SLC5A4: variants seen among roughly 807,000 people sequenced by gnomAD.
SLC5A4 encodes probable glucose sensor protein SLC5A4.
A neutral mutation model predicts 70.3 loss-of-function variants in SLC5A4; 55 were observed. The ratio of observed to expected loss-of-function variants is 0.78; its 90% CI spans 0.63 to 0.98. The LOEUF is 0.98. SLC5A4 is among the 50% of genes least tolerant of loss of function. The pLI is 0.00. For synonymous variants in SLC5A4, 268 were observed against 305.7 expected, an observed-to-expected ratio of 0.88 and a Z score of 1.29; for missense variants, 735 against 839.2, an observed-to-expected ratio of 0.88 and a Z score of 1.53.
At chr22:32,256,173 T>C (rs548900624), upstream of SLC5A4, among the ~76,000 whole-genome samples, 2 of 152,080 alleles carry the variant, frequency 1.3e-5, no homozygotes, top group Admixed American at 1.3e-4. Flanking sequence ...CTGAGTGTGG[T>C]GATGCACACG....
At chr22:32,333,437 G>A in the SLC5A4 span, among the ~76,000 whole-genome samples, 1 of 152,174 alleles carries the variant, frequency 6.6e-6, no homozygotes, top group Non-Finnish European at 1.5e-5. Context: ...CCTCAGGGCA[G>A]GGATGGGGAC....
chr22:32,280,518 T>C, the SLC5A4 span, among the ~76,000 whole-genome samples: 1 of 152,288 alleles, frequency 6.6e-6, no homozygotes, highest in South Asian at 2.1e-4. Context: ...CACCCTCTCC[T>C]GTGGCCTTGT....
chr22:32,279,138 T>C, the SLC5A4 span, among the ~76,000 whole-genome samples: 5 of 152,120 alleles, frequency 3.3e-5, no homozygotes, highest in South Asian at 1.0e-3. Context: ...TAGCCGGGCG[T>C]GGTGGCGGGC....
At chr22:32,308,057 A>ATTCC in the SLC5A4 span, among the ~76,000 whole-genome samples, 5 of 152,108 alleles carry the variant, frequency 3.3e-5, no homozygotes, top group South Asian at 2.1e-4. Flanking sequence ...CAGGTCTGTT[A>ATTCC]TTCCTTCCTT....
the SLC5A4 span, among the ~76,000 whole-genome samples, chr22:32,301,855 A>ACC: frequency 1.2e-3 from 183 of 149,588 alleles, 1 homozygote; most frequent in East Asian, 0.032. Context: ...AAAAAAAAAA[A>ACC]CCCTCACATT....
chr22:32,328,631 A>G, the SLC5A4 span, among the ~76,000 whole-genome samples: 4 of 152,188 alleles, frequency 2.6e-5, no homozygotes, highest in Non-Finnish European at 5.9e-5. Context: ...CCATAGTCTC[A>G]GCCAATGCTT....
rs143255157 is a variant in SLC5A4, at chr22:32,224,737, C to A, written c.1450-255G>T. ...CAATACCAGGACACTACTGTCTACACTGACCCAAGCTGAAGTTTTCCTTGA... is the reference window on the plus strand; with the variant it reads ...CAATACCAGGACACTACTGTCTACAATGACCCAAGCTGAAGTTTTCCTTGA... On this transcript the variant is annotated intron_variant, in intron 12 of 14. Coordinates refer to ENST00000266086, the MANE Select transcript of SLC5A4 (RefSeq NM_014227.3). Among the ~76,000 whole-genome samples the A allele has an allele frequency of 3.3e-4, 50 of 152,330 alleles. No homozygotes were observed. In the East Asian group the frequency reaches 9.1e-3, roughly 28 times the overall value.
chr22:32,328,090 AC>A, the SLC5A4 span, among the ~76,000 whole-genome samples: 1 of 78,062 alleles, frequency 1.3e-5, no homozygotes, highest in Non-Finnish European at 4.3e-5. Flanking sequence ...AGAGCCCCCA[AC>A]ACACAAACAC....
At chr22:32,352,244 G>GAC in the SLC5A4 span, among the ~76,000 whole-genome samples, 1 of 136,206 alleles carries the variant, frequency 7.3e-6, no homozygotes, top group Non-Finnish European at 1.6e-5. Flanking sequence ...CAGGAAGGGG[G>GAC]ACATCACATA....
At position 32,251,870 on chromosome 22, in the gene SLC5A4, C is replaced by T. The variant is rs200538302; in HGVS notation, c.212G>A (p.Gly71Asp). 6.2e-7 allele frequency: 1 copy of T among 1,612,006 alleles called. No homozygotes were observed. Among genetic ancestry groups the T allele is most frequent in the Non-Finnish European group, 8.5e-7 (1 of 1,178,120 alleles). Reference sequence around the variant, plus strand: ...GATGTTACTGGCAAAGAGAGAGGCGCCCATCTGGAATGCAAGAGAACAGAC... The same window carrying T: ...GATGTTACTGGCAAAGAGAGAGGCGTCCATCTGGAATGCAAGAGAACAGAC... ...AGRDMAWWPM[G>D]ASLFASNIGS... Residue 71 changes from glycine (G) to aspartate (D), a missense_variant, in exon 3 of 15, where the codon GGC becomes GAC. By Grantham distance (94) the Gly-to-Asp change is moderately conservative. Coordinates refer to ENST00000266086, the MANE Select transcript of SLC5A4 (RefSeq NM_014227.3).
At chr22:32,327,460 G>T in the SLC5A4 span, 3 of 152,462 alleles carry the variant, frequency 2.0e-5, no homozygotes, top group Non-Finnish European at 4.4e-5. Flanking sequence ...CAGAGACAAT[G>T]ACTCCATTTT....
the SLC5A4 span, among the ~76,000 whole-genome samples, chr22:32,294,092 G>C: frequency 6.6e-6 from 1 of 151,856 alleles, no homozygotes; most frequent in African/African-American, 2.4e-5. Context: ...TGAATTTGTG[G>C]CTTGATGTCT....
chr22:32,337,527 G>C, the SLC5A4 span, among the ~76,000 whole-genome samples: 1 of 151,002 alleles, frequency 6.6e-6, no homozygotes, highest in Non-Finnish European at 1.5e-5. Context: ...GAACAAGACT[G>C]TCTCCAAAAA....
At chr22:32,239,591 TATAAATTA>T (rs532766881) in intron 5 of SLC5A4, among the ~76,000 whole-genome samples, 616 of 34,076 alleles carry the variant, frequency 0.018, 31 homozygotes, top group Admixed American at 0.028. Flanking sequence ...TTTATATATA[TATAAATTA>T]TATAAAATAT....
chr22:32,221,366 G>A (rs983275126), intron 13 of SLC5A4, among the ~76,000 whole-genome samples: 1 of 152,082 alleles, frequency 6.6e-6, no homozygotes, highest in Non-Finnish European at 1.5e-5. Context: ...ACAGTTATTA[G>A]CCACATCATG....
At chr22:32,314,834 C>T in the SLC5A4 span, among the ~76,000 whole-genome samples, 10 of 152,056 alleles carry the variant, frequency 6.6e-5, no homozygotes, top group Admixed American at 5.2e-4. Context: ...AGAGAGTGAG[C>T]GAGCTTGTGC....
the SLC5A4 span, among the ~76,000 whole-genome samples, chr22:32,353,756 G>A: frequency 6.6e-5 from 10 of 150,430 alleles, no homozygotes; most frequent in East Asian, 1.8e-3. Flanking sequence ...CCTGCCGCGG[G>A]CAGTGCAGCC....
chr22:32,330,701 CTG>C, the SLC5A4 span, among the ~76,000 whole-genome samples: 4 of 44,894 alleles, frequency 8.9e-5, no homozygotes, highest in African/African-American at 2.0e-4. Context: ...GTTGGGGGCT[CTG>C]TGTGTATTGG....
the SLC5A4 span, chr22:32,270,435 TAAG>T: frequency 7.7e-7 from 1 of 1,300,248 alleles, no homozygotes; most frequent in South Asian, 1.3e-5. Flanking sequence ...CCCTGGTGCC[TAAG>T]GAGGAGAAAG....
Sources: gnomAD v4.1 joint callset for allele counts (sites outside exome capture counted in the v4.1 genomes callset) on GRCh38, gnomAD v4.1.1 for gene constraint, MANE v1.5 for transcripts, NCBI Gene and HGNC (gene_info 2026-07-23, HGNC 2026-07-21) for gene names.